CTNNA2: variants seen among roughly 807,000 people sequenced by gnomAD.
CTNNA2 encodes the protein catenin alpha-2.
A neutral mutation model predicts 101.0 loss-of-function variants in CTNNA2; 42 were observed. That is an observed-to-expected ratio of 0.42 (90% confidence interval 0.32 to 0.54). The LOEUF is 0.54. CTNNA2 is among the 20% of genes least tolerant of loss of function. The pLI, the probability that CTNNA2 is intolerant of heterozygous loss-of-function variation, is 0.14. For missense variants in CTNNA2, 871 were observed against 1,223.1 expected (o/e 0.71, Z 4.29); for synonymous variants, 450 against 456.4 (o/e 0.99, Z 0.18).
At chr2:80,469,273 A>G (rs891094305) in intron 9 of CTNNA2, among the ~76,000 whole-genome samples, 2 of 152,214 alleles carry the variant, frequency 1.3e-5, no homozygotes, top group African/African-American at 4.8e-5. Flanking sequence ...CAAGAAGTTC[A>G]TTATATGCCT....
rs532732154 is a variant in CTNNA2, at chr2:80,536,951, G to T, written c.1291-8031G>T. The stretch of plus-strand genomic sequence containing the variant: ...CTTTAACTTCTGGGATACGTGTGCA[G>T]AATGTGCAGGCTTGTTACATAGGTA... On this transcript the variant is annotated intron_variant, in intron 9 of 18. Transcript: ENST00000402739. Among the ~76,000 whole-genome samples the T allele has an allele frequency of 6.1e-4, 93 of 152,332 alleles. 3 individuals carry two copies. The South Asian group carries it at 0.018, about 30-fold the overall frequency.
intron 3 of CTNNA2, among the ~76,000 whole-genome samples, chr2:79,765,795 C>T (rs770032854): frequency 6.6e-6 from 1 of 152,146 alleles, no homozygotes; most frequent in African/African-American, 2.4e-5. Context: ...TTTATGCAGC[C>T]TCAACACTGT....
intron 2 of CTNNA2, among the ~76,000 whole-genome samples, chr2:79,253,307 G>C (rs1040687644): frequency 1.3e-5 from 2 of 152,172 alleles, no homozygotes; most frequent in Non-Finnish European, 2.9e-5. Flanking sequence ...AATGAGAAAT[G>C]AGCTCTGAAT....
At chr2:79,809,802 G>A (rs772056494) in intron 3 of CTNNA2, among the ~76,000 whole-genome samples, 2 of 152,094 alleles carry the variant, frequency 1.3e-5, no homozygotes, top group Non-Finnish European at 2.9e-5. Context: ...GATCCCGTTT[G>A]TCAATTTTGG....
At chr2:79,564,539 A>G (rs1390918244) in intron 1 of CTNNA2, among the ~76,000 whole-genome samples, 1 of 152,138 alleles carries the variant, frequency 6.6e-6, no homozygotes, top group Non-Finnish European at 1.5e-5. Context: ...ACGCATTCTT[A>G]GCTTATTTTA....
chr2:80,008,497 AC>A (rs1259571478), intron 7 of CTNNA2, among the ~76,000 whole-genome samples: 2 of 152,190 alleles, frequency 1.3e-5, no homozygotes, highest in African/African-American at 4.8e-5. Context: ...CATCACTTGC[AC>A]ATCAACTTCT....
intron 18 of CTNNA2, among the ~76,000 whole-genome samples, chr2:80,630,840 C>G (rs1672214577): frequency 6.6e-6 from 1 of 152,142 alleles, no homozygotes; most frequent in South Asian, 2.1e-4. Flanking sequence ...ATGAGTAACT[C>G]TGCCATGTTG....
intron 7 of CTNNA2, among the ~76,000 whole-genome samples, chr2:80,273,951 C>T (rs940021672): frequency 6.6e-6 from 1 of 152,110 alleles, no homozygotes; most frequent in African/African-American, 2.4e-5. Context: ...TGTTGTGGCT[C>T]TTGCTTATTC....
intron 1 of CTNNA2, among the ~76,000 whole-genome samples, chr2:79,587,434 T>TA (rs1167439650): frequency 6.6e-6 from 1 of 152,130 alleles, no homozygotes; most frequent in Non-Finnish European, 1.5e-5. Context: ...TGTGTGCCCT[T>TA]AACCACTGTG....
At chr2:80,562,769 CTA>C (rs1214912450) in intron 12 of CTNNA2, among the ~76,000 whole-genome samples, 1 of 151,994 alleles carries the variant, frequency 6.6e-6, no homozygotes, top group Non-Finnish European at 1.5e-5. Flanking sequence ...TGGGGAATAA[CTA>C]TACAATCTCT....
intron 7 of CTNNA2, among the ~76,000 whole-genome samples, chr2:80,345,436 T>C (rs1573786058): frequency 6.6e-6 from 1 of 152,206 alleles, no homozygotes. Context: ...TTGTCTGTAC[T>C]GTTCTAAATC....
chr2:79,573,627 T>C lies in CTNNA2; in HGVS notation c.-6+60420T>C, dbSNP rs1272242339. On this transcript the variant is annotated intron_variant, in intron 1 of 18. Transcript: ENST00000402739. ...AAACATAGAACCACGATTTTTAAAA[T>C]TCCTGTTTTACACTTTTATTTTAGA... 2.0e-5 allele frequency: 3 copies of C among 152,356 alleles called. No individual in the cohort carries two copies. In the East Asian group the frequency reaches 5.8e-4, roughly 29 times the overall value. The allele number at this position is 152,356 out of a possible 1,614,324, so 9.4% of individuals were successfully genotyped here.
chr2:79,521,067 A>G (rs748690600), intron 1 of CTNNA2, among the ~76,000 whole-genome samples: 1 of 127,114 alleles, frequency 7.9e-6, no homozygotes, highest in Non-Finnish European at 1.7e-5. Flanking sequence ...TCAAATTCCT[A>G]TTTGAAAGTT....
chr2:79,461,731 A>G (rs1438500096), intron 4 of CTNNA2, among the ~76,000 whole-genome samples: 1 of 152,150 alleles, frequency 6.6e-6, no homozygotes, highest in Non-Finnish European at 1.5e-5. Context: ...ATGTGACCCT[A>G]AGGAGACCAA....
chr2:79,397,601 C>G (rs1678246990), intron 4 of CTNNA2, among the ~76,000 whole-genome samples: 1 of 152,082 alleles, frequency 6.6e-6, no homozygotes, highest in Admixed American at 6.6e-5. Flanking sequence ...GAGAAGTCTT[C>G]AGTCTTTCGT....
chr2:80,382,562 G>T (rs555082879), intron 7 of CTNNA2, among the ~76,000 whole-genome samples: 2 of 152,330 alleles, frequency 1.3e-5, no homozygotes, highest in Admixed American at 1.3e-4. Flanking sequence ...CACAGAAGAG[G>T]CTGGGTTTCT....
chr2:80,452,405 G>A (rs920331858), intron 9 of CTNNA2, among the ~76,000 whole-genome samples: 3 of 151,588 alleles, frequency 2.0e-5, no homozygotes, highest in Non-Finnish European at 4.4e-5. Context: ...TTACAGACAC[G>A]TGGCTGTATT....
chr2:79,673,544 G>A (rs942735860), intron 2 of CTNNA2, among the ~76,000 whole-genome samples: 2 of 152,070 alleles, frequency 1.3e-5, no homozygotes, highest in Non-Finnish European at 2.9e-5. Context: ...GAACTGTTTT[G>A]TCTTCCTCTG....
chr2:80,009,759 AGAG>A (rs1263833078), intron 7 of CTNNA2, among the ~76,000 whole-genome samples: 4 of 67,682 alleles, frequency 5.9e-5, no homozygotes, highest in African/African-American at 1.4e-4. Flanking sequence ...TGTCAGAGAG[AGAG>A]ACAGAGAGAG....
Sources: allele counts gnomAD v4.1 joint callset (sites outside exome capture counted in the v4.1 genomes callset), GRCh38; gene constraint gnomAD v4.1.1; transcripts MANE v1.5; gene names NCBI Gene and HGNC (gene_info 2026-07-23, HGNC 2026-07-21).